Variants in CLPTM1L observed in about 807,000 individuals in gnomAD.
The protein encoded by CLPTM1L is lipid scramblase CLPTM1L.
Under a neutral mutation model 70.9 loss-of-function variants are expected in CLPTM1L, and 38 were observed. The observed-to-expected ratio is 0.54, with a 90% CI of 0.41 to 0.70. The LOEUF (loss-of-function observed/expected upper bound fraction) is 0.70. CLPTM1L is among the 30% of genes least tolerant of loss of function. The probability of loss-of-function intolerance (pLI) is 0.00; values close to 1 mark genes in which losing one functional copy is unlikely to be tolerated. For missense variants in CLPTM1L, 652 were observed against 705.9 expected (o/e 0.92, Z 0.87); for synonymous variants, 339 against 299.9 (o/e 1.13, Z -1.35).
chr5:1,318,787 G>C lies in CLPTM1L; in HGVS notation c.1533-334C>G, dbSNP rs934990690. ...GGGAACGGTGGCATCACGGAGACTC[G>C]AGTGATCAGAACAGGAACCGCTGTG... On this transcript the variant is annotated intron_variant, in intron 16 of 16. Transcript: ENST00000320895. This position sits in a 1 kb window ranked among gnomAD's most constrained non-coding sequence, Gnocchi z 8.9. Among the ~76,000 whole-genome samples, 1 of 152,138 alleles carries C rather than the reference G, an allele frequency of 6.6e-6. No homozygotes were observed. Among genetic ancestry groups the C allele is most frequent in the Admixed American group, 6.5e-5 (1 of 15,284 alleles).
At chr5:1,336,425 C>G (rs1753582220) in intron 5 of CLPTM1L, among the ~76,000 whole-genome samples, 1 of 152,262 alleles carries the variant, frequency 6.6e-6, no homozygotes, top group Non-Finnish European at 1.5e-5. Flanking sequence ...CGCCGCAAAG[C>G]CTGCCCCGGG....
rs1237046592 is a variant in CLPTM1L at position 1,324,973 on chromosome 5, C to T, written c.1147-160G>A. 15 of 650,824 alleles carry T rather than the reference C, an allele frequency of 2.3e-5. 1 individual carries two copies. Among genetic ancestry groups the T allele is most frequent in the South Asian group, 1.4e-4 (8 of 55,390 alleles). 40.3% of individuals were successfully genotyped at this position (650,824 alleles called of 1,614,324 possible). On this transcript the variant is annotated intron_variant, in intron 10 of 16. Coordinates refer to ENST00000320895, the MANE Select transcript of CLPTM1L (RefSeq NM_030782.5). ...CCAGGCGAGGAGAGGACCCAGAGGACGGGGATCCGCATGGATCCTTCCCGC... is the reference window on the plus strand; with the variant it reads ...CCAGGCGAGGAGAGGACCCAGAGGATGGGGATCCGCATGGATCCTTCCCGC...
In CLPTM1L at chr5:1,339,000, G is replaced by C. The variant is rs199834712; in HGVS notation, c.459C>G (p.Ile153Met). ...LLTGESDTQQ[I>M]EAEKKPTSAL... ...CACTCGTCGGCTTCTTCTCCGCCTC[G>C]ATCTGCTGTTAAGTGAGGAAAACAG... The change falls in exon 4 of 17, where the codon ATC becomes ATG. Residue 153 changes from isoleucine to methionine, a missense_variant. By Grantham distance (10) the Ile-to-Met change is conservative. Transcript: ENST00000320895. 11 of 1,612,920 alleles carry C rather than the reference G, an allele frequency of 6.8e-6. No individual in the cohort carries two copies. The highest frequency in any genetic ancestry group is 5.5e-5 in the South Asian group (5 of 91,076).
intron 8 of CLPTM1L, chr5:1,331,467 C>T (rs1026993173): frequency 4.9e-6 from 2 of 409,548 alleles, no homozygotes; most frequent in South Asian, 4.2e-5. Context: ...CCCTGCTCAG[C>T]GCCCATGAGC....
At chr5:1,339,393 C>T (rs182467416) in intron 3 of CLPTM1L, among the ~76,000 whole-genome samples, 4 of 136,380 alleles carry the variant, frequency 2.9e-5, no homozygotes, top group Admixed American at 1.5e-4. Flanking sequence ...GCAGGGTCAG[C>T]ACCCTAACCT....
In CLPTM1L at chr5:1,337,919, G is replaced by A. The variant is rs369069044; in HGVS notation, c.663C>T (p.Arg221=). The change falls in exon 5 of 17, where the codon CGC becomes CGT. Residue 221 remains arginine, a synonymous_variant. Coordinates refer to ENST00000320895, the MANE Select transcript of CLPTM1L (RefSeq NM_030782.5). ...TGTCACTCACCATCAGGTCCTTCACGCGGTTGCTGAGCTGGTCGATGAACA... is the reference window on the plus strand; with the variant it reads ...TGTCACTCACCATCAGGTCCTTCACACGGTTGCTGAGCTGGTCGATGAACA... The part of the protein sequence containing the change: ...PILFIDQLSN[R]VKDLMVINRS... 28 of 1,602,686 alleles carry A rather than the reference G, an allele frequency of 1.7e-5. No homozygotes were observed. The highest frequency in any genetic ancestry group is 5.7e-5 in the South Asian group (5 of 88,050).
chr5:1,319,527 A>G (rs1210353572), intron 16 of CLPTM1L, among the ~76,000 whole-genome samples: 3 of 152,298 alleles, frequency 2.0e-5, no homozygotes, highest in Middle Eastern at 3.4e-3. Flanking sequence ...TTGAGTGTGG[A>G]GACAGGGCGG....
At chr5:1,327,533 C>G (rs369235175) in intron 9 of CLPTM1L, among the ~76,000 whole-genome samples, 5 of 148,698 alleles carry the variant, frequency 3.4e-5, no homozygotes, top group African/African-American at 1.3e-4. Flanking sequence ...TCCAGCTCCT[C>G]CTCTACAGGG....
At chr5:1,326,438 C>T (rs1423623100) in intron 9 of CLPTM1L, 1 of 231,852 alleles carries the variant, frequency 4.3e-6, no homozygotes, top group Non-Finnish European at 8.2e-6. Flanking sequence ...CCTCGACAGA[C>T]ACATTTCATT....
At chr5:1,335,918 C>G (rs1220194955) in intron 5 of CLPTM1L, among the ~76,000 whole-genome samples, 2 of 148,200 alleles carry the variant, frequency 1.3e-5, no homozygotes, top group Admixed American at 6.7e-5. Flanking sequence ...GGGCTGTGCT[C>G]TAATCCACCT....
At chr5:1,325,578 T>A (rs1325800753) in intron 10 of CLPTM1L, 173 bp downstream of exon 10, 1 of 638,196 alleles carries the variant, frequency 1.6e-6, no homozygotes, top group South Asian at 1.9e-5. Context: ...CGGGGAATCC[T>A]CAGGCGAAGA....
At position 1,330,304 on chromosome 5, in the gene CLPTM1L, C is replaced by G; in HGVS notation, c.1056G>C (p.Pro352=). 1 of 1,612,824 alleles carries G rather than the reference C, an allele frequency of 6.2e-7. No homozygotes were observed. The highest frequency in any genetic ancestry group is 8.5e-7 in the Non-Finnish European group (1 of 1,179,982). Residue 352 remains proline (P), a synonymous_variant, in exon 9 of 17, where the codon CCG becomes CCC. Coordinates refer to ENST00000320895, the MANE Select transcript of CLPTM1L (RefSeq NM_030782.5). The part of the protein sequence containing the change: ...DEQTSLLVLV[P]AGVGAAIELW... ...CCTCAATGGCGGCTCCAACACCCGC[C>G]GGGACCAGCACCAGCAGGCTCGTCT... is the stretch of plus-strand genomic sequence containing the variant.
intron 2 of CLPTM1L, 50 bp from the exon 3 acceptor site, chr5:1,341,910 C>G: frequency 6.9e-7 from 1 of 1,445,956 alleles, no homozygotes; most frequent in Non-Finnish European, 9.5e-7. Flanking sequence ...TTCTGGGTCT[C>G]TAGAACCTAT....
Position 1,329,498 on chromosome 5 carries a change from A to G in CLPTM1L, c.1080+782T>C, listed in dbSNP as rs71595027. Reference sequence around the variant, plus strand: ...TCAGGACTCTCTGCTTGGTGGACAGAGCCTCAGGACTCTCTGCTTGGTGGA... The same window carrying G: ...TCAGGACTCTCTGCTTGGTGGACAGGGCCTCAGGACTCTCTGCTTGGTGGA... On this transcript the variant is annotated intron_variant, in intron 9 of 16. Transcript: ENST00000320895. 2.0e-3 allele frequency among the ~76,000 whole-genome samples: 234 copies of G among 114,762 alleles called. 1 individual carries two copies. Among genetic ancestry groups the G allele is most frequent in the African/African-American group, 4.9e-3 (138 of 28,260 alleles). The allele number at this position is 114,762 out of a possible 152,430, so 75.3% of individuals were successfully genotyped here.
intron 3 of CLPTM1L, 96 bp downstream of exon 3, chr5:1,341,575 C>T: frequency 1.8e-6 from 2 of 1,086,524 alleles, no homozygotes; most frequent in Admixed American, 2.5e-5. Context: ...AACAAAGTCA[C>T]TGGAGCCCTA....
rs1231464322 is a variant in CLPTM1L at position 1,318,668 on chromosome 5, A to G, written c.1533-215T>C. Among the ~76,000 whole-genome samples the G allele has an allele frequency of 1.3e-5, 2 of 152,158 alleles. No individual in the cohort carries two copies. The highest frequency in any genetic ancestry group is 2.9e-5 in the Non-Finnish European group (2 of 68,020). On this transcript the variant is annotated intron_variant, in intron 16 of 16. Coordinates refer to ENST00000320895, the MANE Select transcript of CLPTM1L (RefSeq NM_030782.5). The surrounding 1 kb of genome is among the most constrained non-coding windows in gnomAD (Gnocchi z 8.9). ...ATGGCCAGGCCAGCGTGCTGCTCTC[A>G]AGGAAAGGGAAGCTTGGCCGAAGGG...
At chr5:1,334,536 T>C (rs1237306559) in intron 6 of CLPTM1L, among the ~76,000 whole-genome samples, 153 bp from the exon 7 acceptor site, 1 of 152,176 alleles carries the variant, frequency 6.6e-6, no homozygotes, top group African/African-American at 2.4e-5. Flanking sequence ...GGCAGATCAC[T>C]TGAAGTCAGG....
chr5:1,336,495 CCT>C (rs1270328290), intron 5 of CLPTM1L, among the ~76,000 whole-genome samples: 1 of 152,242 alleles, frequency 6.6e-6, no homozygotes, highest in African/African-American at 2.4e-5. Context: ...GCTGCCTGCC[CCT>C]GTCCACCATC....
intron 16 of CLPTM1L, among the ~76,000 whole-genome samples, chr5:1,319,342 C>A (rs1241123250): frequency 1.2e-5 from 1 of 81,778 alleles, no homozygotes; most frequent in Admixed American, 2.1e-4. Context: ...AGGGGCTGCA[C>A]GAGACAGCAA....
Sources: gnomAD v4.1 joint callset for allele counts (sites outside exome capture counted in the v4.1 genomes callset) on GRCh38, gnomAD v4.1.1 for gene constraint, Gnocchi (gnomAD v3.1) non-coding constraint, MANE v1.5 for transcripts, NCBI Gene and HGNC (gene_info 2026-07-23, HGNC 2026-07-21) for gene names.